The following RANGAP1 variants were observed in gnomAD, a reference collection of about 807,000 sequenced individuals.
RANGAP1 encodes ran GTPase-activating protein 1.
RANGAP1 carries 38 observed loss-of-function variants against 63.5 expected under a neutral mutation model. The observed-to-expected ratio is 0.60, with a 90% CI of 0.46 to 0.78. The LOEUF (loss-of-function observed/expected upper bound fraction) is 0.78, where lower values mean the gene tolerates loss of function less well. RANGAP1 is among the 30% of genes least tolerant of loss of function. RANGAP1 has a pLI of 0.00. For synonymous variants in RANGAP1, 329 were observed against 310.5 expected (o/e 1.06, Z -0.63); for missense variants, 630 against 740.3 (o/e 0.85, Z 1.73).
Position 41,246,608 on chromosome 22 carries a change from C to T in RANGAP1, c.1759G>A (p.Val587Ile). 6.4e-7 allele frequency: 1 copy of T among 1,573,122 alleles called. No homozygotes were observed. The highest frequency in any genetic ancestry group is 8.6e-7 in the Non-Finnish European group (1 of 1,157,068). The part of the protein sequence containing the change: ...RHSLLQTLYK[V>I] ...GGATGGGAGAGGCTTTGAGTCTAGACCTTGTACAGCGTCTGCAGCAGACTG... is the reference window on the plus strand; with the variant it reads ...GGATGGGAGAGGCTTTGAGTCTAGATCTTGTACAGCGTCTGCAGCAGACTG... Residue 587 changes from valine (V) to isoleucine (I), a missense_variant, in exon 16 of 16, where the codon GTC becomes ATC. Coordinates refer to ENST00000356244, the MANE Select transcript of RANGAP1 (RefSeq NM_002883.4).
Position 41,264,731 on chromosome 22 carries a change from C to G in RANGAP1, c.413G>C (p.Ser138Thr). Residue 138 changes from serine (S) to threonine (T), a missense_variant, in exon 5 of 16, where the codon AGC (serine) becomes ACC (threonine). By Grantham distance (58) the Ser-to-Thr change is moderately conservative. This residue lies in a region of RANGAP1 where 137 missense variants were observed against 214.3 expected (regional missense o/e 0.64). Transcript: ENST00000356244. ...GVQGFEALLKSSACFTLQELK... is the reference protein window; with the variant it reads ...GVQGFEALLKTSACFTLQELK... ...TTCCTGCAGGGTGAAGCAGGCTGAG[C>G]TCTTGAGCAGGGCCTCGAAGCCTTG... 6.2e-7 allele frequency: 1 copy of G among 1,614,018 alleles called. No individual in the cohort carries two copies. Among genetic ancestry groups the G allele is most frequent in the Non-Finnish European group, 8.5e-7 (1 of 1,179,862 alleles).
chr22:41,247,184 T>C (rs534400194), intron 15 of RANGAP1, among the ~76,000 whole-genome samples: 212 of 152,012 alleles, frequency 1.4e-3, no homozygotes, highest in African/African-American at 4.9e-3. Flanking sequence ...GCCTCCCGAG[T>C]AGCTGGGACT....
At chr22:41,271,017 C>T (rs534166882) in intron 3 of RANGAP1, among the ~76,000 whole-genome samples, 1 of 152,186 alleles carries the variant, frequency 6.6e-6, no homozygotes, top group Non-Finnish European at 1.5e-5. Context: ...ATCACTCCCC[C>T]TCTCCAGCCT....
chr22:41,278,754 G>A (rs184825330), intron 2 of RANGAP1, among the ~76,000 whole-genome samples: 187 of 152,342 alleles, frequency 1.2e-3, no homozygotes, highest in African/African-American at 4.4e-3. Flanking sequence ...CATCAAAAGT[G>A]ATAAACGAGG....
chr22:41,296,157 C>T, the RANGAP1 span, among the ~76,000 whole-genome samples: 1 of 151,776 alleles, frequency 6.6e-6, no homozygotes, highest in African/African-American at 2.4e-5. Context: ...TACTGAAAGC[C>T]ATTGTACATA....
rs113067758 is a variant in RANGAP1 at position 41,278,139 on chromosome 22, C to T, written c.112+2794G>A. 1.5e-3 allele frequency among the ~76,000 whole-genome samples: 225 copies of T among 151,388 alleles called. 3 individuals are homozygous for T. The highest frequency in any genetic ancestry group is 5.1e-3 in the African/African-American group (211 of 41,208). ...GCAACCTCCGCCTCCCGGGTTCAAG[C>T]GATTCTCCTGCCTCAGCCTCCGGAG... On this transcript the variant is annotated intron_variant, in intron 2 of 15. Coordinates refer to ENST00000356244, the MANE Select transcript of RANGAP1 (RefSeq NM_002883.4).
chr22:41,249,789 G>A lies in RANGAP1; in HGVS notation c.1512C>T (p.Ser504=). 6.2e-7 allele frequency: 1 copy of A among 1,614,106 alleles called. No homozygotes were observed. Among genetic ancestry groups the A allele is most frequent in the South Asian group, 1.1e-5 (1 of 91,086 alleles). ...GGAAGGTGTTGGAGTTGAAGGACGA[G>A]GAGTTGAAAGCCTTCTGCATCAGGG... The part of the protein sequence containing the change: ...VDALMQKAFN[S]SSFNSNTFLT... Residue 504 remains serine (S), a synonymous_variant, in exon 14 of 16, where the codon TCC becomes TCT. Coordinates refer to ENST00000356244, the MANE Select transcript of RANGAP1 (RefSeq NM_002883.4).
chr22:41,286,902 G>T (rs2145871823), upstream of RANGAP1, among the ~76,000 whole-genome samples: 1 of 152,232 alleles, frequency 6.6e-6, no homozygotes, highest in Admixed American at 6.5e-5. Context: ...CAGAATAACT[G>T]ATCTGTACCC....
chr22:41,248,463 C>G (rs2033205475), intron 15 of RANGAP1, among the ~76,000 whole-genome samples: 1 of 152,226 alleles, frequency 6.6e-6, no homozygotes, highest in South Asian at 2.1e-4. Flanking sequence ...CTCCGCCAGC[C>G]CCGCCTCCCC....
chr22:41,249,313 G>T lies in RANGAP1; in HGVS notation c.1694+17C>A. On this transcript the variant is annotated intron_variant, in intron 15 of 15. Transcript: ENST00000356244. Reference sequence around the variant, plus strand: ...CCGAGAGGGCAGGCACCGGCAGAAGGACAAGGCCACACTCACTTGGTCACG... The same window carrying T: ...CCGAGAGGGCAGGCACCGGCAGAAGTACAAGGCCACACTCACTTGGTCACG... 1 of 1,582,248 alleles carries T rather than the reference G, an allele frequency of 6.3e-7. No individual in the cohort carries two copies.
intron 6 of RANGAP1, 111 bp from the exon 7 acceptor site, chr22:41,258,217 G>GCCCCT: frequency 2.4e-6 from 3 of 1,236,924 alleles, no homozygotes; most frequent in Non-Finnish European, 3.3e-6. Flanking sequence ...GCCAGCACAG[G>GCCCCT]GCAGGGGCCT....
intron 2 of RANGAP1, among the ~76,000 whole-genome samples, chr22:41,276,897 T>C (rs1212126005): frequency 6.6e-6 from 1 of 150,498 alleles, no homozygotes; most frequent in Non-Finnish European, 1.5e-5. Context: ...GCATAATTGC[T>C]TGAACTGGGA....
chr22:41,261,723 A>G, intron 5 of RANGAP1, 143 bp from the exon 6 acceptor site: 2 of 909,978 alleles, frequency 2.2e-6, no homozygotes, highest in Non-Finnish European at 3.3e-6. Flanking sequence ...ACAGCTCAAC[A>G]GTCACACCTT....
rs530913832 is a variant in RANGAP1 at position 41,250,951 on chromosome 22, G to A, written c.1483+56C>T. On this transcript the variant is annotated intron_variant, in intron 13 of 15. Coordinates refer to ENST00000356244, the MANE Select transcript of RANGAP1 (RefSeq NM_002883.4). Reference sequence around the variant, plus strand: ...TTACGGCAACCACGAAGGATACCTGGGGCCCACGAGCATCAAGGGACAGAG... The same window carrying A: ...TTACGGCAACCACGAAGGATACCTGAGGCCCACGAGCATCAAGGGACAGAG... 21 of 1,421,128 alleles carry A rather than the reference G, an allele frequency of 1.5e-5. 1 individual carries two copies. In the Admixed American group the frequency reaches 3.1e-4, roughly 21 times the overall value. 88.0% of individuals were successfully genotyped at this position (1,421,128 alleles called of 1,614,324 possible).
chr22:41,276,050 G>A (rs911585368), intron 2 of RANGAP1, among the ~76,000 whole-genome samples: 15 of 152,200 alleles, frequency 9.9e-5, no homozygotes, highest in African/African-American at 3.6e-4. Context: ...TGCTATGAAA[G>A]ATGACACAGG....
intron 2 of RANGAP1, among the ~76,000 whole-genome samples, chr22:41,277,226 C>T (rs998992199): frequency 6.6e-6 from 1 of 151,054 alleles, no homozygotes. Flanking sequence ...TACAGGCGCC[C>T]GCCACTACGC....
chr22:41,277,100 C>T (rs1402583031), intron 2 of RANGAP1, among the ~76,000 whole-genome samples: 2 of 90,070 alleles, frequency 2.2e-5, no homozygotes, highest in African/African-American at 9.2e-5. Context: ...TTTTTTGAGA[C>T]GGAGTCTCGC....
the RANGAP1 span, chr22:41,301,632 C>A: frequency 6.6e-6 from 1 of 152,034 alleles, no homozygotes; most frequent in African/African-American, 2.4e-5. Flanking sequence ...GCGGCGGCGC[C>A]GGGAGCAGGA....
At chr22:41,268,260 T>A in intron 3 of RANGAP1, 104 bp from the exon 4 acceptor site, 2 of 1,009,470 alleles carry the variant, frequency 2.0e-6, no homozygotes, top group East Asian at 5.3e-5. Flanking sequence ...CACAAGACTT[T>A]TTTCTTTTTT....
Sources: allele counts gnomAD v4.1 joint callset (sites outside exome capture counted in the v4.1 genomes callset), GRCh38; gene constraint gnomAD v4.1.1; regional missense constraint gnomAD v4.1.1; transcripts MANE v1.5; gene names NCBI Gene and HGNC (gene_info 2026-07-23, HGNC 2026-07-21).